Variants in LINGO2 observed in about 807,000 individuals in gnomAD.
LINGO2 encodes leucine-rich repeat and immunoglobulin-like domain-containing nogo receptor-interacting protein 2.
In LINGO2, 14 loss-of-function variants were observed where a neutral mutation model predicts 30.6. That is an observed-to-expected ratio of 0.46 (90% confidence interval 0.30 to 0.72). The LOEUF is 0.72. Among genes scored for constraint, LINGO2 ranks in the 30% least tolerant of loss-of-function variants. The probability of loss-of-function intolerance (pLI) is 0.07; values close to 1 mark genes in which losing one functional copy is unlikely to be tolerated. For synonymous variants in LINGO2, 317 were observed against 288.5 expected (o/e 1.10, Z -1.00); for missense variants, 729 against 751.7 (o/e 0.97, Z 0.35).
At chr9:28,092,586 T>G (rs199695957) in intron 4 of LINGO2, among the ~76,000 whole-genome samples, 2 of 149,716 alleles carry the variant, frequency 1.3e-5, no homozygotes, top group Non-Finnish European at 3.0e-5. Context: ...TTAAGAGATA[T>G]ACCTAATGTA....
chr9:28,091,682 A>T (rs144525322), intron 4 of LINGO2, among the ~76,000 whole-genome samples: 4,464 of 152,282 alleles, frequency 0.029, 128 homozygotes, highest in South Asian at 0.085. Flanking sequence ...ATGGCAACAA[A>T]AGCCAATATT....
chr9:29,005,773 T>A, the LINGO2 span, among the ~76,000 whole-genome samples: 1 of 152,038 alleles, frequency 6.6e-6, no homozygotes, highest in South Asian at 2.1e-4. Context: ...CCACATTTGG[T>A]TGATAAACAT....
the LINGO2 span, among the ~76,000 whole-genome samples, chr9:28,807,138 C>T: frequency 6.6e-6 from 1 of 152,012 alleles, no homozygotes; most frequent in African/African-American, 2.4e-5. Context: ...CATCCTCCTG[C>T]CTTAGCCTCC....
intron 2 of LINGO2, among the ~76,000 whole-genome samples, chr9:28,463,011 A>G (rs1825144850): frequency 6.6e-6 from 1 of 152,072 alleles, no homozygotes; most frequent in South Asian, 2.1e-4. Context: ...AACAAAGAAT[A>G]CTAGGGCTAG....
At chr9:28,677,554 T>C in the LINGO2 span, among the ~76,000 whole-genome samples, 1 of 152,128 alleles carries the variant, frequency 6.6e-6, no homozygotes, top group Non-Finnish European at 1.5e-5. Flanking sequence ...AAGTGCAAAC[T>C]TCACATACTA....
the LINGO2 span, among the ~76,000 whole-genome samples, chr9:28,737,979 G>A: frequency 6.6e-6 from 1 of 151,976 alleles, no homozygotes; most frequent in Non-Finnish European, 1.5e-5. Flanking sequence ...ACATCAATTT[G>A]TTTTTTTCTG....
chr9:28,463,234 A>G (rs898956343), intron 2 of LINGO2, among the ~76,000 whole-genome samples: 2 of 152,020 alleles, frequency 1.3e-5, no homozygotes, highest in African/African-American at 4.8e-5. Context: ...GAAAAATGAC[A>G]TTGTATAGGA....
chr9:29,022,465 A>G, the LINGO2 span, among the ~76,000 whole-genome samples: 12 of 152,264 alleles, frequency 7.9e-5, no homozygotes, highest in South Asian at 2.5e-3. Flanking sequence ...AGTTTTTATT[A>G]CATTTCCTCT....
At chr9:28,429,549 G>A (rs188685150) in intron 2 of LINGO2, among the ~76,000 whole-genome samples, 2 of 152,110 alleles carry the variant, frequency 1.3e-5, no homozygotes, top group Non-Finnish European at 2.9e-5. Context: ...GATATTATAT[G>A]AGGATGTTCA....
At chr9:27,977,834 G>A (rs1338166912) in intron 5 of LINGO2, among the ~76,000 whole-genome samples, 1 of 151,656 alleles carries the variant, frequency 6.6e-6, no homozygotes, top group East Asian at 1.9e-4. Flanking sequence ...TCATGTGAAA[G>A]AGTGACTGCA....
chr9:28,997,822 C>CA, the LINGO2 span, among the ~76,000 whole-genome samples: 96,458 of 147,736 alleles, frequency 0.65, 31,600 homozygotes, highest in Non-Finnish European at 0.72. Context: ...GACTCTGTCT[C>CA]AAAAAAAAAC....
intron 1 of LINGO2, among the ~76,000 whole-genome samples, chr9:28,607,378 T>A (rs1411529123): frequency 6.6e-6 from 1 of 151,578 alleles, no homozygotes; most frequent in Non-Finnish European, 1.5e-5. Context: ...CAGGAGTTTA[T>A]ATTTTTTCCT....
the LINGO2 span, among the ~76,000 whole-genome samples, chr9:29,050,586 G>A: frequency 1.3e-5 from 2 of 152,186 alleles, no homozygotes; most frequent in South Asian, 2.1e-4. Flanking sequence ...ATATTTATCT[G>A]TATGTGAGCA....
At chr9:28,451,112 T>C (rs991052180) in intron 2 of LINGO2, among the ~76,000 whole-genome samples, 30 of 151,890 alleles carry the variant, frequency 2.0e-4, no homozygotes, top group Non-Finnish European at 4.4e-5. Flanking sequence ...AAAAATACAG[T>C]TCCATATAAC....
the LINGO2 span, among the ~76,000 whole-genome samples, chr9:28,916,124 C>A: frequency 6.6e-6 from 1 of 151,984 alleles, no homozygotes; most frequent in Admixed American, 6.6e-5. Flanking sequence ...CATGATTGAC[C>A]AGCACTAACA....
the LINGO2 span, among the ~76,000 whole-genome samples, chr9:28,813,570 A>G: frequency 1.3e-5 from 2 of 152,222 alleles, no homozygotes; most frequent in South Asian, 4.1e-4. Flanking sequence ...ATATTTAATG[A>G]ACACGAACAT....
At chr9:28,822,861 T>C in the LINGO2 span, among the ~76,000 whole-genome samples, 2 of 152,010 alleles carry the variant, frequency 1.3e-5, no homozygotes, top group Non-Finnish European at 2.9e-5. Context: ...ACTGAAAAAA[T>C]TAAAATCCAG....
At chr9:28,325,743 T>A (rs1304608854) in intron 3 of LINGO2, among the ~76,000 whole-genome samples, 1 of 152,162 alleles carries the variant, frequency 6.6e-6, no homozygotes, top group Non-Finnish European at 1.5e-5. Flanking sequence ...TTTTTCTTTA[T>A]AAATTACCCA....
At chr9:29,047,747 T>G in the LINGO2 span, among the ~76,000 whole-genome samples, 1 of 152,180 alleles carries the variant, frequency 6.6e-6, no homozygotes, top group Non-Finnish European at 1.5e-5. Flanking sequence ...AAGAAAACTA[T>G]TAGAAGTGAT....
Sources: allele counts gnomAD v4.1 joint callset (sites outside exome capture counted in the v4.1 genomes callset), GRCh38; gene constraint gnomAD v4.1.1; transcripts MANE v1.5; gene names NCBI Gene and HGNC (gene_info 2026-07-23, HGNC 2026-07-21).